The following RDH12 variants were observed in gnomAD, a reference collection of about 807,000 sequenced individuals.
The protein encoded by RDH12 is retinol dehydrogenase 12, also known as all-trans and 9-cis retinol dehydrogenase.
A neutral mutation model predicts 34.0 loss-of-function variants in RDH12; 21 were observed. The observed-to-expected ratio is 0.62, with a 90% CI of 0.44 to 0.89. RDH12 has a LOEUF of 0.89. Ranked by LOEUF, RDH12 falls within the 40% of genes least tolerant of loss-of-function variation. RDH12 has a pLI of 0.00. For missense variants in RDH12, 394 were observed against 398.6 expected (o/e 0.99, Z 0.10); for synonymous variants, 198 against 169.9 (o/e 1.17, Z -1.29).
intron 1 of RDH12, among the ~76,000 whole-genome samples, chr14:67,712,363 T>G (rs11627201): frequency 0.13 from 20,320 of 152,126 alleles, 1,397 homozygotes; most frequent in East Asian, 0.21. Context: ...TGTTGTTGTT[T>G]TTTGTTTTTT....
rs2038278121 is a variant in RDH12, at chr14:67,731,691, A to C, written c.849-2055A>C. 2.6e-5 allele frequency among the ~76,000 whole-genome samples: 4 copies of C among 152,310 alleles called. No individual in the cohort carries two copies. The South Asian group carries it at 8.3e-4, about 32-fold the overall frequency. ...AAGGAAAAAACTGGAATACAAAACT[A>C]TATGATTTTTTATACATAGAGAACA... is the stretch of plus-strand genomic sequence containing the variant. On this transcript the variant is annotated intron_variant, in intron 8 of 8. Transcript: ENST00000551171.
At chr14:67,728,753 A>G (rs2038225432) in intron 7 of RDH12, among the ~76,000 whole-genome samples, 1 of 150,212 alleles carries the variant, frequency 6.7e-6, no homozygotes, top group Non-Finnish European at 1.5e-5. Flanking sequence ...CCCTCAATCT[A>G]TACCTCATGA....
At chr14:67,704,804 A>G (rs930181120) in intron 1 of RDH12, among the ~76,000 whole-genome samples, 1 of 152,246 alleles carries the variant, frequency 6.6e-6, no homozygotes, top group Non-Finnish European at 1.5e-5. Flanking sequence ...TCGTTCTGAG[A>G]CAGTCATTGT....
chr14:67,714,069 C>T (rs868342823), intron 1 of RDH12, among the ~76,000 whole-genome samples: 1 of 152,286 alleles, frequency 6.6e-6, no homozygotes. Flanking sequence ...AAAATGTTTC[C>T]TTTCACAGTA....
chr14:67,713,942 C>T (rs1481195810), intron 1 of RDH12, among the ~76,000 whole-genome samples: 1 of 152,044 alleles, frequency 6.6e-6, no homozygotes, highest in Non-Finnish European at 1.5e-5. Context: ...AAGAGGCAAC[C>T]AGATATGCAT....
chr14:67,730,984 A>T (rs1242605052), intron 8 of RDH12, among the ~76,000 whole-genome samples: 1 of 152,196 alleles, frequency 6.6e-6, no homozygotes, highest in African/African-American at 2.4e-5. Context: ...TTTTTAAATG[A>T]GATAAAAGAT....
intron 2 of RDH12, 91 bp from the exon 3 acceptor site, chr14:67,722,333 T>G (rs1594864028): frequency 2.1e-6 from 1 of 472,334 alleles, no homozygotes; most frequent in Non-Finnish European, 3.9e-6. Flanking sequence ...GGATGGGGGG[T>G]TTAGGGGGTA....
chr14:67,716,662 C>T (rs573039761), intron 1 of RDH12, among the ~76,000 whole-genome samples: 20 of 152,116 alleles, frequency 1.3e-4, no homozygotes, highest in South Asian at 8.3e-4. Context: ...GGCCAGCATA[C>T]GACTTGAGGC....
chr14:67,714,488 T>TA (rs1029640576), intron 1 of RDH12: 1 of 152,528 alleles, frequency 6.6e-6, no homozygotes, highest in African/African-American at 2.4e-5. Context: ...TTCTTTTTAT[T>TA]AAAAAGAGTT....
chr14:67,728,360 T>TC (rs1170521770), intron 7 of RDH12: 6 of 152,342 alleles, frequency 3.9e-5, no homozygotes, highest in Admixed American at 3.3e-4. Context: ...GCTATTATTT[T>TC]CCCCCACTCT....
intron 3 of RDH12, among the ~76,000 whole-genome samples, chr14:67,723,040 G>T (rs2038143531): frequency 6.6e-6 from 1 of 152,126 alleles, no homozygotes; most frequent in Non-Finnish European, 1.5e-5. Context: ...ATTCCTTTGG[G>T]TGTCTCTGAA....
Position 67,729,270 on chromosome 14 carries a change from G to C in RDH12, c.738G>C (p.Leu246=), listed in dbSNP as rs752438534. ...TCCGGCACTCCTCCCTGCTCTGCCT[G>C]CTCTGGCGGCTCTTCTCCCCCTTTG... The part of the protein sequence containing the change: ...ELVRHSSLLC[L]LWRLFSPFVK... Residue 246 remains leucine (L), a synonymous_variant, in exon 8 of 9, where the codon CTG becomes CTC. Coordinates refer to ENST00000551171, the MANE Select transcript of RDH12 (RefSeq NM_152443.3). 1 of 1,606,612 alleles carries C rather than the reference G, an allele frequency of 6.2e-7. No homozygotes were observed. Among genetic ancestry groups the C allele is most frequent in the East Asian group, 2.2e-5 (1 of 44,886 alleles).
chr14:67,703,829 C>G (rs1393980306), intron 1 of RDH12, among the ~76,000 whole-genome samples: 2 of 152,042 alleles, frequency 1.3e-5, no homozygotes, highest in African/African-American at 4.8e-5. Context: ...GTGCATACCA[C>G]CGTGCCTGGC....
intron 8 of RDH12, among the ~76,000 whole-genome samples, chr14:67,732,445 ATCCTCCTC>A (rs2038292532): frequency 7.5e-6 from 1 of 134,206 alleles, no homozygotes; most frequent in Non-Finnish European, 1.6e-5. Flanking sequence ...AAAAAAAAAA[ATCCTCCTC>A]AAACTAGATA....
chr14:67,724,690 G>A, intron 4 of RDH12, 99 bp downstream of exon 4: 2 of 948,838 alleles, frequency 2.1e-6, no homozygotes, highest in Non-Finnish European at 3.4e-6. Flanking sequence ...CCTAGGCTTG[G>A]GGGCTCTGAC....
chr14:67,712,978 T>A (rs1284161178), intron 1 of RDH12, among the ~76,000 whole-genome samples: 1 of 152,130 alleles, frequency 6.6e-6, no homozygotes, highest in East Asian at 1.9e-4. Context: ...TTCAGAGGAC[T>A]TATTCCCCAT....
chr14:67,714,321 G>T (rs565423882), intron 1 of RDH12, among the ~76,000 whole-genome samples: 96 of 151,850 alleles, frequency 6.3e-4, no homozygotes, highest in African/African-American at 2.3e-3. Flanking sequence ...CATTTTTTTA[G>T]TAGAGCTGAG....
intron 1 of RDH12, among the ~76,000 whole-genome samples, chr14:67,717,353 A>C (rs1216117134): frequency 6.6e-6 from 1 of 152,218 alleles, no homozygotes; most frequent in Admixed American, 6.5e-5. Context: ...GAGTGATTAG[A>C]GGTAAACAGA....
intron 1 of RDH12, among the ~76,000 whole-genome samples, chr14:67,718,522 G>A (rs1055400002): frequency 6.6e-6 from 1 of 152,200 alleles, no homozygotes; most frequent in Non-Finnish European, 1.5e-5. Context: ...CTCAGTGTTA[G>A]CCCTGGGAGG....
Sources: gnomAD v4.1 joint callset for allele counts (sites outside exome capture counted in the v4.1 genomes callset) on GRCh38, gnomAD v4.1.1 for gene constraint, MANE v1.5 for transcripts, NCBI Gene and HGNC (gene_info 2026-07-23, HGNC 2026-07-21) for gene names.